Variants in LRRC4C observed in about 807,000 individuals in gnomAD.
LRRC4C encodes the protein leucine-rich repeat-containing protein 4C.
LRRC4C carries 5 observed loss-of-function variants against 33.6 expected under a neutral mutation model. The ratio of observed to expected loss-of-function variants is 0.15; its 90% CI spans 0.08 to 0.31. LRRC4C has a LOEUF of 0.31. Among genes scored for constraint, LRRC4C ranks in the 10% least tolerant of loss-of-function variants. The probability of loss-of-function intolerance (pLI) is 1.00; values close to 1 mark genes in which losing one functional copy is unlikely to be tolerated. For synonymous variants in LRRC4C, 329 were observed against 302.0 expected (o/e 1.09, Z -0.93); for missense variants, 560 against 796.7 (o/e 0.70, Z 3.58).
chr11:40,635,224 C>T (rs1384979891), intron 3 of LRRC4C, among the ~76,000 whole-genome samples: 1 of 152,192 alleles, frequency 6.6e-6, no homozygotes, highest in African/African-American at 2.4e-5. Flanking sequence ...GAATTCTCAA[C>T]CTCGACCTCC....
intron 5 of LRRC4C, among the ~76,000 whole-genome samples, chr11:40,199,950 A>G (rs1318399913): frequency 6.6e-6 from 1 of 152,082 alleles, no homozygotes; most frequent in Non-Finnish European, 1.5e-5. Flanking sequence ...AAGGTCACAT[A>G]GTTATAAATG....
intron 3 of LRRC4C, among the ~76,000 whole-genome samples, chr11:40,501,046 G>A (rs998880993): frequency 2.6e-5 from 4 of 152,154 alleles, no homozygotes; most frequent in African/African-American, 9.7e-5. Flanking sequence ...CAGACCCCAT[G>A]CAAGTCTGAA....
At chr11:40,739,065 T>C (rs1474190670) in intron 2 of LRRC4C, among the ~76,000 whole-genome samples, 1 of 150,864 alleles carries the variant, frequency 6.6e-6, no homozygotes, top group Non-Finnish European at 1.5e-5. Context: ...TGAGAAGATT[T>C]GAGATCTACC....
chr11:40,984,766 A>G (rs1211324226), intron 1 of LRRC4C, among the ~76,000 whole-genome samples: 1 of 151,992 alleles, frequency 6.6e-6, no homozygotes, highest in Non-Finnish European at 1.5e-5. Context: ...ACTTTCATGG[A>G]GGGAAGTTGG....
chr11:41,313,354 G>A (rs1186574987), intron 1 of LRRC4C, among the ~76,000 whole-genome samples: 2 of 152,150 alleles, frequency 1.3e-5, no homozygotes, highest in Non-Finnish European at 2.9e-5. Flanking sequence ...GCTTCTGTCT[G>A]GCCAGATGTC....
At chr11:40,200,489 T>A (rs1862637543) in intron 5 of LRRC4C, among the ~76,000 whole-genome samples, 1 of 151,896 alleles carries the variant, frequency 6.6e-6, no homozygotes, top group Non-Finnish European at 1.5e-5. Flanking sequence ...TTCCCCAACC[T>A]TTCTGTGTGA....
At chr11:41,129,021 C>T (rs1291937090) in intron 1 of LRRC4C, among the ~76,000 whole-genome samples, 1 of 151,826 alleles carries the variant, frequency 6.6e-6, no homozygotes, top group Non-Finnish European at 1.5e-5. Flanking sequence ...TCAATTAAAG[C>T]AAATGATTAA....
intron 1 of LRRC4C, among the ~76,000 whole-genome samples, chr11:41,292,675 T>C (rs1950025083): frequency 6.6e-6 from 1 of 152,182 alleles, no homozygotes; most frequent in South Asian, 2.1e-4. Context: ...TATTTGTTAC[T>C]ATCCAATCTT....
chr11:41,102,905 A>G (rs1012205023), intron 1 of LRRC4C, among the ~76,000 whole-genome samples: 3 of 151,958 alleles, frequency 2.0e-5, no homozygotes, highest in African/African-American at 7.2e-5. Flanking sequence ...AGTATGTGAA[A>G]ATGAAGGTGC....
At chr11:40,822,301 C>G (rs954161565) in intron 2 of LRRC4C, among the ~76,000 whole-genome samples, 11 of 149,798 alleles carry the variant, frequency 7.3e-5, no homozygotes, top group African/African-American at 2.7e-4. Context: ...ACCTCTACTT[C>G]TATCCATGTT....
At position 40,314,398 on chromosome 11, in the gene LRRC4C, A is replaced by G. The variant is rs77247291; in HGVS notation, c.-176+5230T>C. On this transcript the variant is annotated intron_variant, in intron 4 of 6. Coordinates refer to ENST00000528697, the MANE Select transcript of LRRC4C (RefSeq NM_001258419.2). ...CTATTATCACAAAAGAAAAACAAAAAAACAAATGCTAGGGAGGCTCTAGAG... is the reference window on the plus strand; with the variant it reads ...CTATTATCACAAAAGAAAAACAAAAGAACAAATGCTAGGGAGGCTCTAGAG... Among the ~76,000 whole-genome samples the G allele has an allele frequency of 4.1e-3, 618 of 152,218 alleles. 9 individuals carry two copies. The highest frequency in any genetic ancestry group is 0.014 in the African/African-American group (574 of 41,468).
chr11:40,170,454 A>G (rs1439678661), intron 5 of LRRC4C, among the ~76,000 whole-genome samples: 5 of 152,202 alleles, frequency 3.3e-5, no homozygotes, highest in Admixed American at 2.0e-4. Flanking sequence ...CTCACTGCAC[A>G]GTGAATGAAG....
chr11:40,695,750 C>A (rs1470633852), intron 2 of LRRC4C, among the ~76,000 whole-genome samples: 2 of 151,986 alleles, frequency 1.3e-5, no homozygotes, highest in Non-Finnish European at 2.9e-5. Context: ...ATCACTCTGA[C>A]CCCATCATTA....
At position 41,012,676 on chromosome 11, in the gene LRRC4C, G is replaced by A. The variant is rs577176573; in HGVS notation, c.-495-78953C>T. ...GAACCTCCATAGAGTTTTACATAGCGGCTGAACTAATTTACATTTTCACCA... is the reference window on the plus strand; with the variant it reads ...GAACCTCCATAGAGTTTTACATAGCAGCTGAACTAATTTACATTTTCACCA... On this transcript the variant is annotated intron_variant, in intron 1 of 6. Coordinates refer to ENST00000528697, the MANE Select transcript of LRRC4C (RefSeq NM_001258419.2). Among the ~76,000 whole-genome samples the A allele has an allele frequency of 3.3e-5, 5 of 152,170 alleles. No individual in the cohort carries two copies. The South Asian group carries it at 6.2e-4, about 19-fold the overall frequency.
Position 40,114,228 on chromosome 11 carries a change from T to G in LRRC4C, c.*142A>C, listed in dbSNP as rs879030440. ...GTCTGCTTTAGATCACAATAGAATT[T>G]TTAATAAATAAATTTCTTTTCTTTT... On this transcript the variant is annotated 3_prime_UTR_variant, in exon 7 of 7. Coordinates refer to ENST00000528697, the MANE Select transcript of LRRC4C (RefSeq NM_001258419.2). 1.8e-5 allele frequency: 18 copies of G among 988,058 alleles called. No individual in the cohort carries two copies. In the South Asian group the frequency reaches 3.5e-4, roughly 19 times the overall value. The allele number at this position is 988,058 out of a possible 1,614,324, so 61.2% of individuals were successfully genotyped here.
intron 3 of LRRC4C, among the ~76,000 whole-genome samples, chr11:40,438,312 A>C (rs1951231181): frequency 6.6e-6 from 1 of 152,232 alleles, no homozygotes; most frequent in Non-Finnish European, 1.5e-5. Flanking sequence ...CTGTCCTTAA[A>C]AAATAAAAAC....
intron 2 of LRRC4C, among the ~76,000 whole-genome samples, chr11:40,816,135 G>A (rs1384893572): frequency 6.6e-6 from 1 of 152,146 alleles, no homozygotes; most frequent in Non-Finnish European, 1.5e-5. Flanking sequence ...CAAAGTTGAG[G>A]TTTGCTGACA....
intron 3 of LRRC4C, among the ~76,000 whole-genome samples, chr11:40,597,114 A>G (rs1259999617): frequency 5.3e-5 from 8 of 152,220 alleles, no homozygotes; most frequent in Admixed American, 2.6e-4. Flanking sequence ...AATCAGGCTC[A>G]TCTTCATTCA....
At chr11:41,150,766 A>G (rs1419200193) in intron 1 of LRRC4C, among the ~76,000 whole-genome samples, 2 of 144,148 alleles carry the variant, frequency 1.4e-5, no homozygotes, top group Non-Finnish European at 3.0e-5. Flanking sequence ...AACAGACTCC[A>G]TCTCAAAATA....
Sources: gnomAD v4.1 joint callset for allele counts (sites outside exome capture counted in the v4.1 genomes callset) on GRCh38, gnomAD v4.1.1 for gene constraint, MANE v1.5 for transcripts, NCBI Gene and HGNC (gene_info 2026-07-23, HGNC 2026-07-21) for gene names.